Variants in RFTN2 observed in about 807,000 individuals in gnomAD.
The protein encoded by RFTN2 is raftlin family member 2.
In RFTN2, 34 loss-of-function variants were observed where a neutral mutation model predicts 52.7. The ratio of observed to expected loss-of-function variants is 0.64; its 90% CI spans 0.49 to 0.86. The LOEUF (loss-of-function observed/expected upper bound fraction) is 0.86. RFTN2 is among the 40% of genes least tolerant of loss of function. RFTN2 has a pLI of 0.00. For missense variants in RFTN2, 536 were observed against 600.1 expected, an observed-to-expected ratio of 0.89 and a Z score of 1.12; for synonymous variants, 203 against 217.7, an observed-to-expected ratio of 0.93 and a Z score of 0.59.
At chr2:197,602,837 T>C (rs1436172184) in intron 7 of RFTN2, among the ~76,000 whole-genome samples, 16 of 152,124 alleles carry the variant, frequency 1.1e-4, no homozygotes, top group Admixed American at 1.0e-3. Flanking sequence ...TGTCCAAAAA[T>C]GATAGACTGG....
At chr2:197,616,759 CT>C (rs1379415135) in intron 6 of RFTN2, among the ~76,000 whole-genome samples, 1 of 152,136 alleles carries the variant, frequency 6.6e-6, no homozygotes, top group African/African-American at 2.4e-5. Flanking sequence ...CTTTTCACTG[CT>C]TTTTTCTTAA....
chr2:197,604,389 A>C (rs2087926378), intron 7 of RFTN2, among the ~76,000 whole-genome samples: 1 of 152,262 alleles, frequency 6.6e-6, no homozygotes, highest in African/African-American at 2.4e-5. Context: ...ACATAGTAGA[A>C]TGAATAAATA....
Position 197,570,266 on chromosome 2 carries a change from A to G in RFTN2, c.*1742T>C, listed in dbSNP as rs2087295332. 6.6e-6 allele frequency: 1 copy of G among 152,258 alleles called. No individual in the cohort carries two copies. The highest frequency in any genetic ancestry group is 2.4e-5 in the African/African-American group (1 of 41,470). The allele number at this position is 152,258 out of a possible 1,614,324, so 9.4% of individuals were successfully genotyped here. ...GCAAATATTGTTGACAGCTATTGCT[A>G]TAGAATAAGACTGAGAAGAATATTC... is the stretch of plus-strand genomic sequence containing the variant. On this transcript the variant is annotated 3_prime_UTR_variant, in exon 9 of 9. Transcript: ENST00000295049.
At chr2:197,637,938 G>T (rs1321140420) in intron 3 of RFTN2, among the ~76,000 whole-genome samples, 1 of 150,888 alleles carries the variant, frequency 6.6e-6, no homozygotes, top group African/African-American at 2.4e-5. Flanking sequence ...GGTATGTTGT[G>T]TCTTTGTTCT....
intron 1 of RFTN2, among the ~76,000 whole-genome samples, chr2:197,654,466 A>T (rs2088866411): frequency 1.3e-5 from 2 of 152,060 alleles, no homozygotes; most frequent in African/African-American, 4.8e-5. Flanking sequence ...AGACATATTA[A>T]CTCCAAACTG....
At chr2:197,669,896 G>A (rs1212299471) in intron 1 of RFTN2, among the ~76,000 whole-genome samples, 2 of 152,082 alleles carry the variant, frequency 1.3e-5, no homozygotes, top group Admixed American at 6.5e-5. Context: ...TGTCCCCTCC[G>A]TAATACCCTG....
intron 7 of RFTN2, among the ~76,000 whole-genome samples, chr2:197,608,695 C>T (rs542123973): frequency 1.4e-5 from 2 of 144,900 alleles, no homozygotes; most frequent in Non-Finnish European, 3.0e-5. Context: ...AGGTTTGTTA[C>T]ACAGGTATAA....
intron 3 of RFTN2, among the ~76,000 whole-genome samples, chr2:197,638,108 T>A (rs576973774): frequency 6.6e-6 from 1 of 150,872 alleles, no homozygotes; most frequent in Non-Finnish European, 1.5e-5. Context: ...GAGAGATAGT[T>A]TGTTATAATT....
At chr2:197,581,472 C>T (rs966126047) in intron 8 of RFTN2, among the ~76,000 whole-genome samples, 3 of 152,198 alleles carry the variant, frequency 2.0e-5, no homozygotes, top group Non-Finnish European at 2.9e-5. Context: ...CTGCCGCAAG[C>T]CTTCAGGGAC....
At chr2:197,593,843 G>A (rs572331690) in intron 8 of RFTN2, among the ~76,000 whole-genome samples, 13 of 144,794 alleles carry the variant, frequency 9.0e-5, no homozygotes, top group South Asian at 4.5e-4. Context: ...CAGAGATTGC[G>A]CCACTGCACT....
At chr2:197,579,258 C>T (rs2087467114) in intron 8 of RFTN2, among the ~76,000 whole-genome samples, 2 of 152,138 alleles carry the variant, frequency 1.3e-5, no homozygotes, top group Admixed American at 6.5e-5. Context: ...GTGGTAAGCA[C>T]CACCTTGCCT....
rs2087328050 is a variant in RFTN2 at position 197,572,119 on chromosome 2, C to CA, written c.1394dup (p.Ala466GlyfsTer13). 6.2e-7 allele frequency: 1 copy of CA among 1,614,244 alleles called. No homozygotes were observed. The highest frequency in any genetic ancestry group is 1.3e-5 in the African/African-American group (1 of 75,060). On this transcript the variant is annotated frameshift_variant, in exon 9 of 9. Coordinates refer to ENST00000295049, the MANE Select transcript of RFTN2 (RefSeq NM_144629.3). LOFTEE classifies it high-confidence loss of function. The stretch of plus-strand genomic sequence containing the variant: ...ACCCAGAGAAGCTGTTGTGCTGTGC[C>CA]AGCCTTCCCTCCTTTGTCCAGCATT...
chr2:197,624,051 G>A (rs934154663), intron 5 of RFTN2, among the ~76,000 whole-genome samples: 14 of 152,014 alleles, frequency 9.2e-5, no homozygotes, highest in Admixed American at 3.3e-4. Flanking sequence ...CTCCCGCCTC[G>A]GCCTCCCAAA....
At chr2:197,599,474 T>C (rs1559344273) in intron 7 of RFTN2, among the ~76,000 whole-genome samples, 1 of 151,910 alleles carries the variant, frequency 6.6e-6, no homozygotes. Flanking sequence ...TGAAAGAGTA[T>C]CTCTACCAGC....
intron 5 of RFTN2, among the ~76,000 whole-genome samples, chr2:197,627,485 T>A (rs2088384773): frequency 6.6e-6 from 1 of 152,252 alleles, no homozygotes; most frequent in African/African-American, 2.4e-5. Context: ...GGTCCTGGCA[T>A]ATATGAAATG....
chr2:197,588,994 C>G (rs2087645959), intron 8 of RFTN2, among the ~76,000 whole-genome samples: 1 of 152,042 alleles, frequency 6.6e-6, no homozygotes, highest in Non-Finnish European at 1.5e-5. Flanking sequence ...GAGGCCAAGG[C>G]AGGTGGACCA....
At chr2:197,596,392 A>G (rs2087794696) in intron 7 of RFTN2, among the ~76,000 whole-genome samples, 1 of 152,162 alleles carries the variant, frequency 6.6e-6, no homozygotes, top group Non-Finnish European at 1.5e-5. Flanking sequence ...CTTAGTCTTT[A>G]TCAGCTTGTG....
In RFTN2 at chr2:197,616,917, G is replaced by C. The variant is rs1301405647; in HGVS notation, c.1050+883C>G. Among the ~76,000 whole-genome samples the C allele has an allele frequency of 5.9e-5, 9 of 152,292 alleles. No individual in the cohort carries two copies. In the South Asian group the frequency reaches 1.9e-3, roughly 32 times the overall value. ...GGTAAAAGTATCCCTGAAACAGCCT[G>C]TCAGGGAGGGCCTCAAACACAAAAC... On this transcript the variant is annotated intron_variant, in intron 6 of 8. Transcript: ENST00000295049.
intron 8 of RFTN2, among the ~76,000 whole-genome samples, chr2:197,572,879 A>T (rs751535734): frequency 2.6e-5 from 4 of 152,022 alleles, no homozygotes; most frequent in Non-Finnish European, 5.9e-5. Flanking sequence ...ATGAGATCTG[A>T]TGGTTTTATA....
Sources: allele counts gnomAD v4.1 joint callset (sites outside exome capture counted in the v4.1 genomes callset), GRCh38; gene constraint gnomAD v4.1.1; transcripts MANE v1.5; gene names NCBI Gene and HGNC (gene_info 2026-07-23, HGNC 2026-07-21).